The following OVCH1 variants were observed in gnomAD, a reference collection of about 807,000 sequenced individuals.
The protein encoded by OVCH1 is ovochymase-1.
A neutral mutation model predicts 138.4 loss-of-function variants in OVCH1; 139 were observed. The ratio of observed to expected loss-of-function variants is 1.00; its 90% CI spans 0.87 to 1.16. The LOEUF (loss-of-function observed/expected upper bound fraction) is 1.16. OVCH1 is among the 50% of genes most tolerant of loss of function. The pLI, the probability that OVCH1 is intolerant of heterozygous loss-of-function variation, is 0.00. For synonymous variants in OVCH1, 453 were observed against 467.8 expected (o/e 0.97, Z 0.41); for missense variants, 1,367 against 1,357.9 (o/e 1.01, Z -0.11).
At chr12:29,432,214 G>A (rs898913259) in intron 27 of OVCH1, among the ~76,000 whole-genome samples, 4 of 152,154 alleles carry the variant, frequency 2.6e-5, no homozygotes, top group African/African-American at 9.7e-5. Flanking sequence ...CTATGAATGA[G>A]TTAGGAAAAC....
At chr12:29,403,804 T>A in the OVCH1 span, among the ~76,000 whole-genome samples, 1 of 152,212 alleles carries the variant, frequency 6.6e-6, no homozygotes, top group Non-Finnish European at 1.5e-5. Flanking sequence ...TCCCTGTGAG[T>A]AAAGTTAAGA....
At chr12:29,444,046 A>T in intron 24 of OVCH1, 99 bp downstream of exon 24, 1 of 1,332,606 alleles carries the variant, frequency 7.5e-7, no homozygotes, top group South Asian at 1.7e-5. Flanking sequence ...TTTGGAAAAA[A>T]GGTGAAGAAT....
At chr12:29,461,872 T>C in exon 19 of OVCH1, 2 of 1,613,804 alleles carry the variant, frequency 1.2e-6, no homozygotes, top group Non-Finnish European at 1.7e-6. Context: ...AATCTTTCTC[T>C]CCAGATGCTG....
At chr12:29,492,293 G>A (rs1458222921) in intron 4 of OVCH1, among the ~76,000 whole-genome samples, 3 of 150,326 alleles carry the variant, frequency 2.0e-5, no homozygotes, top group Non-Finnish European at 4.4e-5. Context: ...GACAGTGGGA[G>A]GCCAGGATGA....
Position 29,478,833 on chromosome 12 carries a change from A to G in OVCH1, c.1069+2T>C. On this transcript the variant is annotated splice_donor_variant, in intron 9 of 27. Coordinates refer to ENST00000318184, the Ensembl canonical transcript of OVCH1. LOFTEE classifies it high-confidence loss of function. ...AAATAAAAACAAATGTAACATACTTACTAAAAAGCACTCCACTGCTTGATC... is the reference window on the plus strand; with the variant it reads ...AAATAAAAACAAATGTAACATACTTGCTAAAAAGCACTCCACTGCTTGATC... 1 of 1,567,888 alleles carries G rather than the reference A, an allele frequency of 6.4e-7. No individual in the cohort carries two copies. The highest frequency in any genetic ancestry group is 8.6e-7 in the Non-Finnish European group (1 of 1,157,158).
chr12:29,482,531 C>T (rs910062989), intron 8 of OVCH1, among the ~76,000 whole-genome samples: 7 of 152,234 alleles, frequency 4.6e-5, no homozygotes, highest in East Asian at 3.9e-4. Context: ...CAAAGGCAAA[C>T]ATTTTTGTGT....
At chr12:29,442,638 A>G (rs899624759) in intron 25 of OVCH1, among the ~76,000 whole-genome samples, 1 of 151,766 alleles carries the variant, frequency 6.6e-6, no homozygotes, top group Non-Finnish European at 1.5e-5. Flanking sequence ...AAAATAAAAA[A>G]AAATAAAAAA....
At chr12:29,429,532 A>G (rs1183371977) in intron 27 of OVCH1, among the ~76,000 whole-genome samples, 1 of 152,242 alleles carries the variant, frequency 6.6e-6, no homozygotes, top group Non-Finnish European at 1.5e-5. Flanking sequence ...CCATTTAAGA[A>G]AGATAAATTT....
At chr12:29,421,233 G>A (rs747388004) in intron 3 of OVCH1, among the ~76,000 whole-genome samples, 7 of 152,228 alleles carry the variant, frequency 4.6e-5, no homozygotes, top group Non-Finnish European at 8.8e-5. Flanking sequence ...TTTTCCATTC[G>A]AAATTGGTCA....
chr12:29,483,017 T>A (rs1942982544), intron 8 of OVCH1, among the ~76,000 whole-genome samples: 1 of 152,244 alleles, frequency 6.6e-6, no homozygotes, highest in Admixed American at 6.5e-5. Flanking sequence ...GGTCTTAGTT[T>A]TCAGCTCTGC....
chr12:29,450,819 T>C (rs1941767664), intron 22 of OVCH1, among the ~76,000 whole-genome samples: 1 of 152,152 alleles, frequency 6.6e-6, no homozygotes, highest in East Asian at 1.9e-4. Context: ...ATATACACCA[T>C]GTTATACTAT....
At chr12:29,460,512 A>G (rs1438712867) in intron 19 of OVCH1, among the ~76,000 whole-genome samples, 3 of 151,934 alleles carry the variant, frequency 2.0e-5, no homozygotes, top group Non-Finnish European at 4.4e-5. Flanking sequence ...CCCACTCTCC[A>G]CTACACCCAG....
chr12:29,473,168 T>A (rs1163756746), intron 14 of OVCH1, 65 bp from the exon 15 acceptor site: 2 of 1,156,474 alleles, frequency 1.7e-6, no homozygotes, highest in African/African-American at 3.1e-5. Context: ...CCCCACTTGC[T>A]TACCCTGGTA....
chr12:29,466,575 A>C (rs2135990365), intron 16 of OVCH1, among the ~76,000 whole-genome samples: 1 of 152,296 alleles, frequency 6.6e-6, no homozygotes, highest in South Asian at 2.1e-4. Context: ...TAGAAATCAG[A>C]ATGCTGATTA....
chr12:29,402,586 A>G, the OVCH1 span, among the ~76,000 whole-genome samples: 2 of 152,044 alleles, frequency 1.3e-5, no homozygotes, highest in Non-Finnish European at 2.9e-5. Flanking sequence ...ATTGAGAAAG[A>G]AGGATTGAGA....
At chr12:29,406,431 G>A in the OVCH1 span, among the ~76,000 whole-genome samples, 2 of 152,048 alleles carry the variant, frequency 1.3e-5, no homozygotes, top group Non-Finnish European at 2.9e-5. Flanking sequence ...TCTAGCATTA[G>A]GTATATCTCC....
chr12:29,456,960 C>T (rs1288403130), intron 19 of OVCH1, among the ~76,000 whole-genome samples: 2 of 152,118 alleles, frequency 1.3e-5, no homozygotes, highest in Non-Finnish European at 2.9e-5. Flanking sequence ...AAACTAAGTC[C>T]TTTATTTGTC....
chr12:29,471,756 C>A (rs966550545), intron 16 of OVCH1, 46 bp downstream of exon 16: 6 of 1,538,406 alleles, frequency 3.9e-6, no homozygotes, highest in African/African-American at 1.4e-5. Flanking sequence ...GCATTACTTA[C>A]AAATGCATGT....
chr12:29,467,395 G>A (rs1447301045), intron 16 of OVCH1, among the ~76,000 whole-genome samples: 3 of 152,116 alleles, frequency 2.0e-5, no homozygotes, highest in Non-Finnish European at 4.4e-5. Flanking sequence ...AAAGCCACAT[G>A]CACTTTATGA....
Sources: gnomAD v4.1 joint callset for allele counts (sites outside exome capture counted in the v4.1 genomes callset) on GRCh38, gnomAD v4.1.1 for gene constraint, MANE v1.5 for transcripts, NCBI Gene and HGNC (gene_info 2026-07-23, HGNC 2026-07-21) for gene names.